Variants in NCAM2 observed in about 807,000 individuals in gnomAD.
NCAM2 encodes the protein N-CAM-2.
NCAM2 carries 30 observed loss-of-function variants against 98.1 expected under a neutral mutation model. The observed-to-expected ratio is 0.31, with a 90% CI of 0.23 to 0.41. The LOEUF is 0.41. Among genes scored for constraint, NCAM2 ranks in the 10% least tolerant of loss-of-function variants. The probability of loss-of-function intolerance (pLI) is 1.00; values close to 1 mark genes in which losing one functional copy is unlikely to be tolerated. For synonymous variants in NCAM2, 368 were observed against 342.4 expected, an observed-to-expected ratio of 1.07 and a Z score of -0.83; for missense variants, 867 against 1,005.8, an observed-to-expected ratio of 0.86 and a Z score of 1.87.
intron 1 of NCAM2, among the ~76,000 whole-genome samples, chr21:21,171,329 ACT>A (rs979063183): frequency 6.6e-6 from 1 of 152,248 alleles, no homozygotes; most frequent in South Asian, 2.1e-4. Context: ...TGTAATGAAC[ACT>A]CATGTTTGCT....
intron 8 of NCAM2, among the ~76,000 whole-genome samples, chr21:21,373,283 A>G (rs961830975): frequency 6.6e-6 from 1 of 151,914 alleles, no homozygotes; most frequent in Non-Finnish European, 1.5e-5. Flanking sequence ...AGTAAAAGCA[A>G]CTTATTCCAA....
chr21:21,310,794 C>T (rs1425146696), intron 5 of NCAM2, among the ~76,000 whole-genome samples: 1 of 152,096 alleles, frequency 6.6e-6, no homozygotes, highest in Non-Finnish European at 1.5e-5. Flanking sequence ...TGTTCTTTCA[C>T]CCCAAATCAC....
At chr21:21,488,570 A>T (rs1189127780) in intron 15 of NCAM2, among the ~76,000 whole-genome samples, 1 of 152,034 alleles carries the variant, frequency 6.6e-6, no homozygotes, top group Non-Finnish European at 1.5e-5. Context: ...ATAATTCAAG[A>T]TGGATACTGA....
intron 1 of NCAM2, among the ~76,000 whole-genome samples, chr21:21,109,641 T>A (rs1432550562): frequency 6.6e-6 from 1 of 152,200 alleles, no homozygotes; most frequent in Non-Finnish European, 1.5e-5. Context: ...CTGTAAGACT[T>A]TGACAATGTG....
intron 16 of NCAM2, among the ~76,000 whole-genome samples, chr21:21,533,379 ATT>A (rs1221099823): frequency 6.6e-6 from 1 of 151,884 alleles, no homozygotes; most frequent in Admixed American, 6.6e-5. Context: ...ATTAGAAAGT[ATT>A]TAGTCGTTTC....
chr21:21,073,950 C>A (rs1601286996), intron 1 of NCAM2, among the ~76,000 whole-genome samples: 1 of 152,148 alleles, frequency 6.6e-6, no homozygotes, highest in African/African-American at 2.4e-5. Context: ...GGGTCAAAAA[C>A]TTTTCTTCAG....
chr21:21,370,717 C>A (rs2075895834), intron 8 of NCAM2, among the ~76,000 whole-genome samples: 1 of 151,668 alleles, frequency 6.6e-6, no homozygotes, highest in Non-Finnish European at 1.5e-5. Flanking sequence ...GCTGCTAAAG[C>A]TTATAAGCTG....
At chr21:21,493,373 T>C (rs1293264404) in intron 15 of NCAM2, among the ~76,000 whole-genome samples, 1 of 151,908 alleles carries the variant, frequency 6.6e-6, no homozygotes, top group African/African-American at 2.4e-5. Flanking sequence ...TTGCATGTTT[T>C]CCCTTTTAAA....
At chr21:21,295,340 AT>A in intron 5 of NCAM2, among the ~76,000 whole-genome samples, 1 of 151,506 alleles carries the variant, frequency 6.6e-6, no homozygotes, top group African/African-American at 2.4e-5. Flanking sequence ...TACTTCCTTT[AT>A]TTTTTCTTAC....
In NCAM2 at chr21:21,155,397, T is replaced by C. The variant is rs753688908; in HGVS notation, c.56-125181T>C. Among the ~76,000 whole-genome samples, 74 of 151,754 alleles carry C rather than the reference T, an allele frequency of 4.9e-4. 2 individuals are homozygous for C. Among genetic ancestry groups the C allele is most frequent in the Non-Finnish European group, 7.4e-4 (50 of 67,836 alleles). ...AGCTCATTACAATGTTAAAATTATT[T>C]ATATATGTGTCAAAGTCTTGTGGGT... On this transcript the variant is annotated intron_variant, in intron 1 of 17. Transcript: ENST00000400546.
At chr21:21,405,713 A>G (rs1417114043) in intron 9 of NCAM2, among the ~76,000 whole-genome samples, 1 of 152,112 alleles carries the variant, frequency 6.6e-6, no homozygotes, top group Non-Finnish European at 1.5e-5. Flanking sequence ...TAGGGAGACA[A>G]TTTTGAAATT....
chr21:21,069,678 AC>A (rs111389315), intron 1 of NCAM2, among the ~76,000 whole-genome samples: 5,644 of 152,288 alleles, frequency 0.037, 327 homozygotes, highest in African/African-American at 0.13. Flanking sequence ...TGATGCCTGT[AC>A]TTTTGAAGGC....
intron 15 of NCAM2, among the ~76,000 whole-genome samples, chr21:21,479,608 A>AAAAAAAAAAAAAAAAAAAAAAC (rs1491473437): frequency 7.8e-6 from 1 of 127,916 alleles, no homozygotes; most frequent in African/African-American, 2.8e-5. Context: ...AAAAAAAAAA[A>AAAAAAAAAAAAAAAAAAAAAAC]TTGTTGATGA....
At chr21:21,328,855 A>T (rs2074593716) in intron 6 of NCAM2, among the ~76,000 whole-genome samples, 1 of 152,100 alleles carries the variant, frequency 6.6e-6, no homozygotes, top group East Asian at 1.9e-4. Flanking sequence ...AGGCCTTCAC[A>T]GTCACTCACC....
chr21:21,402,166 C>T (rs781440493), intron 9 of NCAM2, among the ~76,000 whole-genome samples: 119 of 152,154 alleles, frequency 7.8e-4, no homozygotes, highest in Non-Finnish European at 9.6e-4. Context: ...GTCTGACTGC[C>T]TGCAGGGTTG....
At chr21:21,073,680 T>G (rs2065620293) in intron 1 of NCAM2, among the ~76,000 whole-genome samples, 1 of 152,166 alleles carries the variant, frequency 6.6e-6, no homozygotes, top group Non-Finnish European at 1.5e-5. Flanking sequence ...TCAGACCGAG[T>G]AATTAAGTAA....
intron 10 of NCAM2, among the ~76,000 whole-genome samples, chr21:21,416,958 A>G (rs1393774470): frequency 1.3e-5 from 2 of 152,016 alleles, no homozygotes; most frequent in African/African-American, 2.4e-5. Context: ...TAAGCATACA[A>G]CATGATAAAA....
intron 8 of NCAM2, among the ~76,000 whole-genome samples, chr21:21,341,452 G>GA (rs1255903605): frequency 1.3e-5 from 2 of 152,124 alleles, no homozygotes; most frequent in Non-Finnish European, 2.9e-5. Context: ...ATTTCCAACA[G>GA]AAAAATGATC....
chr21:21,433,216 A>G (rs1254501030), intron 12 of NCAM2, among the ~76,000 whole-genome samples: 3 of 152,184 alleles, frequency 2.0e-5, no homozygotes, highest in African/African-American at 4.8e-5. Context: ...CATGTACCAT[A>G]TACTTCAAAT....
Sources: allele counts gnomAD v4.1 joint callset (sites outside exome capture counted in the v4.1 genomes callset), GRCh38; gene constraint gnomAD v4.1.1; transcripts MANE v1.5; gene names NCBI Gene and HGNC (gene_info 2026-07-23, HGNC 2026-07-21).